RRM2: variants seen among roughly 807,000 people sequenced by gnomAD.
RRM2 encodes ribonucleoside-diphosphate reductase subunit M2.
In RRM2, 6 loss-of-function variants were observed where a neutral mutation model predicts 45.9. The ratio of observed to expected loss-of-function variants is 0.13; its 90% confidence interval spans 0.07 to 0.26. RRM2 has a LOEUF of 0.26. Ranked by LOEUF, RRM2 falls within the 10% of genes least tolerant of loss-of-function variation. The pLI is 1.00. For missense variants in RRM2, 343 were observed against 489.5 expected (o/e 0.70, Z 2.82); for synonymous variants, 177 against 173.0 (o/e 1.02, Z -0.18).
At chr2:10,133,167 C>T (rs917771357), downstream of RRM2, among the ~76,000 whole-genome samples, 1 of 152,228 alleles carries the variant, frequency 6.6e-6, no homozygotes, top group African/African-American at 2.4e-5. Context: ...CTTTTAAAAG[C>T]TACTAAAGTC....
intron 3 of RRM2, among the ~76,000 whole-genome samples, chr2:10,144,584 A>G (rs1663151138): frequency 6.6e-6 from 1 of 152,218 alleles, no homozygotes; most frequent in Non-Finnish European, 1.5e-5. Context: ...ATGATCCGCA[A>G]CAAACTGTTC....
intron 3 of RRM2, among the ~76,000 whole-genome samples, chr2:10,209,350 AC>A: frequency 6.6e-6 from 1 of 151,790 alleles, no homozygotes; most frequent in Non-Finnish European, 1.5e-5. Flanking sequence ...GAGCCACCGC[AC>A]CCAGCCTGGA....
chr2:10,125,295 A>G (rs1458686816), intron 5 of RRM2, among the ~76,000 whole-genome samples: 1 of 152,192 alleles, frequency 6.6e-6, no homozygotes, highest in African/African-American at 2.4e-5. Flanking sequence ...GTGAACCCTG[A>G]GACTGATTTA....
At chr2:10,200,204 A>C (rs1337166819) in intron 3 of RRM2, among the ~76,000 whole-genome samples, 1 of 152,208 alleles carries the variant, frequency 6.6e-6, no homozygotes, top group African/African-American at 2.4e-5. Flanking sequence ...TTGGCTTCAA[A>C]AAAACTCTGT....
chr2:10,183,970 G>A (rs1253489577), intron 3 of RRM2, among the ~76,000 whole-genome samples: 9 of 151,632 alleles, frequency 5.9e-5, no homozygotes, highest in African/African-American at 1.9e-4. Context: ...GCAGGCGCCT[G>A]TAGTCCCAGC....
Position 10,129,009 on chromosome 2 carries a change from G to A in RRM2, c.904-32G>A. On this transcript the variant is annotated intron_variant, in intron 8 of 9. Coordinates refer to ENST00000304567, the MANE Select transcript of RRM2 (RefSeq NM_001034.4). This position sits in a 1 kb window ranked among gnomAD's most constrained non-coding sequence, Gnocchi z 4.8. The stretch of plus-strand genomic sequence containing the variant: ...CTTGCTAGAAAATGCCTGTGCTTTA[G>A]TTGTATTCAGAAGCTGTATTTTGGT... 6.2e-7 allele frequency: 1 copy of A among 1,611,164 alleles called. No homozygotes were observed. The highest frequency in any genetic ancestry group is 8.5e-7 in the Non-Finnish European group (1 of 1,177,294).
At chr2:10,167,005 A>T (rs1354995914) in intron 3 of RRM2, among the ~76,000 whole-genome samples, 1 of 152,216 alleles carries the variant, frequency 6.6e-6, no homozygotes, top group Admixed American at 6.5e-5. Context: ...TGTCAGCAGG[A>T]TGGCAGATGC....
chr2:10,186,022 C>T (rs953503676), intron 3 of RRM2, among the ~76,000 whole-genome samples: 4 of 152,196 alleles, frequency 2.6e-5, no homozygotes, highest in Admixed American at 1.3e-4. Context: ...AGCCTAAATT[C>T]GGCAGAAATC....
At chr2:10,168,658 G>A (rs762755857) in intron 3 of RRM2, among the ~76,000 whole-genome samples, 37 of 151,580 alleles carry the variant, frequency 2.4e-4, no homozygotes, top group Non-Finnish European at 4.7e-4. Flanking sequence ...AAGATGTGCC[G>A]GCTCTGGCCT....
rs1445586440 is a variant in RRM2 at position 10,127,707 on chromosome 2, C to T, written c.798+487C>T. Among the ~76,000 whole-genome samples, 1 of 151,974 alleles carries T rather than the reference C, an allele frequency of 6.6e-6. No individual in the cohort carries two copies. The highest frequency in any genetic ancestry group is 1.5e-5 in the Non-Finnish European group (1 of 67,954). Reference sequence around the variant, plus strand: ...CAGACTGGGGTTGAACTCCTGACCTCAGGTGATCAGGTGATCCACCCGCCT... The same window carrying T: ...CAGACTGGGGTTGAACTCCTGACCTTAGGTGATCAGGTGATCCACCCGCCT... On this transcript the variant is annotated intron_variant, in intron 7 of 9. Transcript: ENST00000304567. The surrounding 1 kb of genome is among the most constrained non-coding windows in gnomAD (Gnocchi z 4.1).
At position 10,185,219 on chromosome 2, in the gene RRM2, C is replaced by T. The variant is rs980751334; in HGVS notation, n.483-25092C>T. ...ATCAGTATGCAGCTGTTAATTTTGGCTGCTGACTCCAGGACAAGAGACAGA... is the reference window on the plus strand; with the variant it reads ...ATCAGTATGCAGCTGTTAATTTTGGTTGCTGACTCCAGGACAAGAGACAGA... On this transcript the variant is annotated intron_variant and non_coding_transcript_variant, in intron 3 of 3. Transcript: ENST00000381786. This position sits in a 1 kb window ranked among gnomAD's most constrained non-coding sequence, Gnocchi z 4.3. Among the ~76,000 whole-genome samples, 1 of 152,032 alleles carries T rather than the reference C, an allele frequency of 6.6e-6. No homozygotes were observed. Among genetic ancestry groups the T allele is most frequent in the African/African-American group, 2.4e-5 (1 of 41,382 alleles).
At chr2:10,179,205 T>G (rs111776140) in intron 3 of RRM2, among the ~76,000 whole-genome samples, 39,156 of 152,056 alleles carry the variant, frequency 0.26, 6,160 homozygotes, top group Non-Finnish European at 0.36. Flanking sequence ...AAGGCTGCAG[T>G]GTAGTGGCGC....
chr2:10,123,259 G>T, intron 2 of RRM2, 128 bp from the exon 3 acceptor site: 1 of 1,326,880 alleles, frequency 7.5e-7, no homozygotes, highest in Non-Finnish European at 1.0e-6. Context: ...CACGGAGTGC[G>T]ACGGGACAGC....
At chr2:10,125,280 C>CTGCCT (rs1460787286) in intron 5 of RRM2, among the ~76,000 whole-genome samples, 2 of 152,138 alleles carry the variant, frequency 1.3e-5, no homozygotes, top group African/African-American at 2.4e-5. Flanking sequence ...AAGGCAGAGG[C>CTGCCT]AGCAGTGAAC....
intron 3 of RRM2, among the ~76,000 whole-genome samples, chr2:10,201,358 T>C (rs1664567423): frequency 6.6e-6 from 1 of 152,164 alleles, no homozygotes; most frequent in African/African-American, 2.4e-5. Flanking sequence ...GAAAAGCCTC[T>C]TTGACTCTGA....
intron 2 of RRM2, chr2:10,142,233 G>C: frequency 1.3e-6 from 2 of 1,520,792 alleles, no homozygotes; most frequent in Non-Finnish European, 1.8e-6. Flanking sequence ...CCCAGGTAAA[G>C]AGTCTGGATT....
chr2:10,142,778 C>T (rs1009149325), intron 3 of RRM2, among the ~76,000 whole-genome samples: 1 of 152,232 alleles, frequency 6.6e-6, no homozygotes, highest in African/African-American at 2.4e-5. Flanking sequence ...AGCCCCTCCC[C>T]TCACCGCAGC....
At chr2:10,132,861 T>TC (rs151189412), downstream of RRM2, among the ~76,000 whole-genome samples, 2,990 of 151,976 alleles carry the variant, frequency 0.02, 94 homozygotes, top group African/African-American at 0.068. Context: ...TCTGTTCTGC[T>TC]CCCCCCGGCC....
At chr2:10,180,658 C>T (rs1322587881) in intron 3 of RRM2, among the ~76,000 whole-genome samples, 1 of 152,232 alleles carries the variant, frequency 6.6e-6, no homozygotes, top group African/African-American at 2.4e-5. Flanking sequence ...CTATGAAGCC[C>T]TCTCCATCCT....
Sources: allele counts gnomAD v4.1 joint callset (sites outside exome capture counted in the v4.1 genomes callset), GRCh38; gene constraint gnomAD v4.1.1; non-coding constraint Gnocchi (gnomAD v3.1); transcripts MANE v1.5; gene names NCBI Gene and HGNC (gene_info 2026-07-23, HGNC 2026-07-21).